The following MGAT5B variants were observed in gnomAD, a reference collection of about 807,000 sequenced individuals.
MGAT5B encodes N-acetylglucosaminyl-transferase Vb.
In MGAT5B, 54 loss-of-function variants were observed where a neutral mutation model predicts 95.1. That is an observed-to-expected ratio of 0.57 (90% confidence interval 0.46 to 0.71). The LOEUF is 0.71. Ranked by LOEUF, MGAT5B falls within the 30% of genes least tolerant of loss-of-function variation. The pLI, the probability that MGAT5B is intolerant of heterozygous loss-of-function variation, is 0.00. For missense variants in MGAT5B, 935 were observed against 1,088.6 expected, an observed-to-expected ratio of 0.86 and a Z score of 1.99; for synonymous variants, 464 against 451.0, an observed-to-expected ratio of 1.03 and a Z score of -0.36.
Position 76,906,284 on chromosome 17 carries a change from C to G in MGAT5B, c.1025+97C>G, listed in dbSNP as rs558591093. The G allele has an allele frequency of 1.6e-6, 2 of 1,235,446 alleles. No homozygotes were observed. 76.5% of individuals were successfully genotyped at this position (1,235,446 alleles called of 1,614,324 possible). On this transcript the variant is annotated intron_variant, in intron 8 of 17. Coordinates refer to ENST00000569840, the MANE Select transcript of MGAT5B (RefSeq NM_001199172.2). The surrounding 1 kb of genome is among the most constrained non-coding windows in gnomAD (Gnocchi z 4.6). ...CCCAGGGGCTGTGGGAGCACCTGCT[C>G]TGCCTGCAGGTCCCACGGCCCTGAG...
At position 76,940,748 on chromosome 17, in the gene MGAT5B, C is replaced by T. The variant is rs763781870; in HGVS notation, c.1748C>T (p.Pro583Leu). 6 of 1,613,986 alleles carry T rather than the reference C, an allele frequency of 3.7e-6. No homozygotes were observed. The part of the protein sequence containing the change: ...PTSREVFSQH[P>L]YAENFIGKPH... ...CCTTGCCAGGTGTTCTCCCAGCATC[C>T]CTACGCGGAGAACTTCATCGGCAAG... The change falls in exon 15 of 18, where the codon CCC becomes CTC. Residue 583 changes from proline to leucine, a missense_variant. Transcript: ENST00000569840. This position sits in a 1 kb window ranked among gnomAD's most constrained non-coding sequence, Gnocchi z 4.3.
At chr17:76,932,837 C>T (rs1371799962) in intron 11 of MGAT5B, 62 bp downstream of exon 11, 59 of 1,586,412 alleles carry the variant, frequency 3.7e-5, no homozygotes, top group Non-Finnish European at 4.4e-5. Context: ...CCGCCTGGGT[C>T]CCGCATCTCC....
At chr17:76,885,931 C>G (rs1352450031) in intron 3 of MGAT5B, among the ~76,000 whole-genome samples, 1 of 138,982 alleles carries the variant, frequency 7.2e-6, no homozygotes, top group African/African-American at 3.1e-5. Context: ...GGATTCCCCA[C>G]TTAGAAATTT....
chr17:76,881,635 C>T (rs561797063), intron 2 of MGAT5B, among the ~76,000 whole-genome samples: 4 of 152,292 alleles, frequency 2.6e-5, no homozygotes, highest in South Asian at 4.1e-4. Flanking sequence ...TAGACCAAGG[C>T]CCAGAAATCT....
chr17:76,933,962 A>G (rs1473695295), intron 12 of MGAT5B, among the ~76,000 whole-genome samples: 1 of 152,172 alleles, frequency 6.6e-6, no homozygotes, highest in African/African-American at 2.4e-5. Flanking sequence ...AGGAAGGAGC[A>G]GAGCGGGACA....
At chr17:76,900,946 A>AGTGT (rs1487702055) in intron 3 of MGAT5B, among the ~76,000 whole-genome samples, 4 of 137,490 alleles carry the variant, frequency 2.9e-5, no homozygotes, top group Admixed American at 7.4e-5. Flanking sequence ...TTTGTGTGTG[A>AGTGT]GTGTGTGCGT....
intron 3 of MGAT5B, among the ~76,000 whole-genome samples, chr17:76,901,402 TAA>T (rs57832999): frequency 2.1e-5 from 3 of 143,618 alleles, no homozygotes; most frequent in Non-Finnish European, 1.5e-5. Context: ...ATTAATGTGT[TAA>T]AAAAAAAAAA....
chr17:76,933,993 A>G (rs1969578281), intron 12 of MGAT5B, among the ~76,000 whole-genome samples: 1 of 152,196 alleles, frequency 6.6e-6, no homozygotes. Context: ...CACACTGCTC[A>G]TCAGCTCCAT....
intron 2 of MGAT5B, among the ~76,000 whole-genome samples, chr17:76,877,021 G>C (rs2145121972): frequency 6.6e-6 from 1 of 152,256 alleles, no homozygotes; most frequent in Non-Finnish European, 1.5e-5. Context: ...CCTCTGACTT[G>C]TCTTGAAGAA....
chr17:76,884,439 T>G (rs1435866636), intron 3 of MGAT5B, among the ~76,000 whole-genome samples: 2 of 152,014 alleles, frequency 1.3e-5, no homozygotes, highest in Non-Finnish European at 2.9e-5. Flanking sequence ...ATTTATTTAT[T>G]TATTTTTTTG....
Position 76,905,957 on chromosome 17 carries a change from G to C in MGAT5B, c.856-61G>C. ...GGCTGGTCTCCTGGCCGGTGCCCCG[G>C]GGGGGCGGGGCTCAGAGCTGCTGCT... On this transcript the variant is annotated intron_variant, in intron 7 of 17. Coordinates refer to ENST00000569840, the MANE Select transcript of MGAT5B (RefSeq NM_001199172.2). This position sits in a 1 kb window ranked among gnomAD's most constrained non-coding sequence, Gnocchi z 4.2. 2 of 1,498,166 alleles carry C rather than the reference G, an allele frequency of 1.3e-6. No individual in the cohort carries two copies. The highest frequency in any genetic ancestry group is 1.8e-6 in the Non-Finnish European group (2 of 1,125,056). The allele number at this position is 1,498,166 out of a possible 1,614,324, so 92.8% of individuals were successfully genotyped here.
intron 10 of MGAT5B, among the ~76,000 whole-genome samples, chr17:76,927,049 C>T (rs1019878163): frequency 1.6e-4 from 24 of 152,268 alleles, no homozygotes; most frequent in Admixed American, 1.6e-3. Flanking sequence ...GACTCCGCGG[C>T]CTTCCAGAAA....
Position 76,869,000 on chromosome 17 carries a change from C to T in MGAT5B, c.-30C>T. 1 of 1,611,464 alleles carries T rather than the reference C, an allele frequency of 6.2e-7. No homozygotes were observed. The highest frequency in any genetic ancestry group is 8.5e-7 in the Non-Finnish European group (1 of 1,177,980). On this transcript the variant is annotated 5_prime_UTR_variant, in exon 1 of 18. Transcript: ENST00000569840. This position sits in a 1 kb window ranked among gnomAD's most constrained non-coding sequence, Gnocchi z 6.3. ...CCAGGACGGTGCGTCCGGCCTCGCCCGCGGCTGCTCGCACCAACAAGTTTG... is the reference window on the plus strand; with the variant it reads ...CCAGGACGGTGCGTCCGGCCTCGCCTGCGGCTGCTCGCACCAACAAGTTTG...
chr17:76,883,559 A>T (rs1598900022), intron 3 of MGAT5B, among the ~76,000 whole-genome samples: 1 of 152,068 alleles, frequency 6.6e-6, no homozygotes, highest in East Asian at 1.9e-4. Flanking sequence ...GGAGTGCGGG[A>T]GGTCAGGCTG....
At chr17:76,925,773 A>C (rs1319391608) in intron 9 of MGAT5B, among the ~76,000 whole-genome samples, 1 of 152,120 alleles carries the variant, frequency 6.6e-6, no homozygotes, top group Non-Finnish European at 1.5e-5. Flanking sequence ...CTCTGCAGAC[A>C]ATTCTGGGTC....
At position 76,940,608 on chromosome 17, in the gene MGAT5B, T is replaced by C. The variant is rs1436450768; in HGVS notation, c.1731+60T>C. 1.8e-5 allele frequency: 29 copies of C among 1,584,482 alleles called. No homozygotes were observed. Among genetic ancestry groups the C allele is most frequent in the East Asian group, 1.8e-4 (8 of 44,454 alleles). ...GGGCCGGGACAGAGACCCCTGCAGG[T>C]CCTGGAAGAGGCAGACTGAGATGTG... On this transcript the variant is annotated intron_variant, in intron 14 of 17. Coordinates refer to ENST00000569840, the MANE Select transcript of MGAT5B (RefSeq NM_001199172.2). This position sits in a 1 kb window ranked among gnomAD's most constrained non-coding sequence, Gnocchi z 4.3.
chr17:76,893,637 C>A (rs1212815860), intron 3 of MGAT5B, among the ~76,000 whole-genome samples: 2 of 152,212 alleles, frequency 1.3e-5, no homozygotes, highest in Non-Finnish European at 2.9e-5. Context: ...GTCCCCCGTG[C>A]CGGGGTAGAT....
intron 2 of MGAT5B, among the ~76,000 whole-genome samples, chr17:76,878,891 GC>G (rs1196308278): frequency 2.6e-5 from 4 of 152,210 alleles, no homozygotes; most frequent in African/African-American, 9.6e-5. Context: ...AGCTCAATGA[GC>G]CCAGCCCCCT....
At chr17:76,900,518 C>A (rs1245351875) in intron 3 of MGAT5B, among the ~76,000 whole-genome samples, 2 of 152,192 alleles carry the variant, frequency 1.3e-5, no homozygotes, top group Non-Finnish European at 2.9e-5. Flanking sequence ...GGGGAGAAGG[C>A]CGTGTGAAGG....
Sources: allele counts gnomAD v4.1 joint callset (sites outside exome capture counted in the v4.1 genomes callset), GRCh38; gene constraint gnomAD v4.1.1; non-coding constraint Gnocchi (gnomAD v3.1); transcripts MANE v1.5; gene names NCBI Gene and HGNC (gene_info 2026-07-23, HGNC 2026-07-21).